CADPS: variants seen among roughly 807,000 people sequenced by gnomAD.
CADPS encodes calcium-dependent secretion activator 1.
CADPS carries 57 observed loss-of-function variants against 167.3 expected under a neutral mutation model. That is an observed-to-expected ratio of 0.34 (90% CI 0.28 to 0.42). The LOEUF is 0.42. CADPS is among the 20% of genes least tolerant of loss of function. The pLI, the probability that CADPS is intolerant of heterozygous loss-of-function variation, is 1.00. For missense variants in CADPS, 1,414 were observed against 1,738.1 expected, an observed-to-expected ratio of 0.81 and a Z score of 3.32; for synonymous variants, 676 against 635.3, an observed-to-expected ratio of 1.06 and a Z score of -0.96.
chr3:62,667,699 CT>C (rs1269116330), intron 3 of CADPS, among the ~76,000 whole-genome samples: 1 of 152,076 alleles, frequency 6.6e-6, no homozygotes, highest in African/African-American at 2.4e-5. Flanking sequence ...CCAAATGTAC[CT>C]GATCATGTGT....
intron 13 of CADPS, among the ~76,000 whole-genome samples, chr3:62,531,207 A>G (rs1187323343): frequency 7.6e-6 from 1 of 132,028 alleles, no homozygotes; most frequent in African/African-American, 2.8e-5. Flanking sequence ...GACAACCCAG[A>G]GAATATAATG....
intron 13 of CADPS, among the ~76,000 whole-genome samples, chr3:62,524,668 A>G (rs1024588844): frequency 2.0e-5 from 3 of 152,228 alleles, no homozygotes; most frequent in Non-Finnish European, 2.9e-5. Context: ...ACTCTATTAA[A>G]GGATGAAAGT....
chr3:62,853,244 T>A (rs2078981194), intron 1 of CADPS, among the ~76,000 whole-genome samples: 1 of 152,026 alleles, frequency 6.6e-6, no homozygotes, highest in Non-Finnish European at 1.5e-5. Context: ...TTCTACCAGG[T>A]CAAGTCAGAA....
chr3:62,471,702 T>C (rs1326720755), intron 24 of CADPS, among the ~76,000 whole-genome samples: 1 of 152,162 alleles, frequency 6.6e-6, no homozygotes, highest in Non-Finnish European at 1.5e-5. Context: ...TTCTGCACCC[T>C]GGCCTAGCAC....
intron 12 of CADPS, among the ~76,000 whole-genome samples, chr3:62,535,505 C>A (rs9784313): frequency 6.6e-6 from 1 of 151,526 alleles, no homozygotes; most frequent in African/African-American, 2.4e-5. Context: ...TCAATAATAT[C>A]TTAACCCTAC....
chr3:62,837,094 G>A lies in CADPS; in HGVS notation c.441+37495C>T, dbSNP rs541641848. Among the ~76,000 whole-genome samples the A allele has an allele frequency of 2.4e-4, 37 of 152,180 alleles. No homozygotes were observed. In the East Asian group the frequency reaches 5.4e-3, roughly 22 times the overall value. ...TTGCAGGTAATAATAGTAATAATAC[G>A]TTAATAAATATGTTAATATTGATAA... On this transcript the variant is annotated intron_variant, in intron 1 of 29. Transcript: ENST00000383710.
rs1464467571 is a variant in CADPS at position 62,779,637 on chromosome 3, G to A, written c.442-13653C>T. 3 of 531,580 alleles carry A rather than the reference G, an allele frequency of 5.6e-6. No homozygotes were observed. The African/African-American group carries it at 5.8e-5, about 10-fold the overall frequency. The allele number at this position is 531,580 out of a possible 1,614,324, so 32.9% of individuals were successfully genotyped here. Reference sequence around the variant, plus strand: ...ATCAGTGAGCTGCATGCATTTTAAAGGCATAGGCTGTCTCCTTACCTGAGT... The same window carrying A: ...ATCAGTGAGCTGCATGCATTTTAAAAGCATAGGCTGTCTCCTTACCTGAGT... On this transcript the variant is annotated intron_variant, in intron 1 of 29. Transcript: ENST00000383710.
intron 24 of CADPS, among the ~76,000 whole-genome samples, chr3:62,473,237 G>A (rs1462860849): frequency 6.6e-6 from 1 of 151,494 alleles, no homozygotes; most frequent in Admixed American, 6.6e-5. Context: ...GTGGGGGTGG[G>A]GGCTGAGGAA....
At chr3:62,451,113 C>T (rs76067178) in intron 26 of CADPS, among the ~76,000 whole-genome samples, 1,527 of 152,118 alleles carry the variant, frequency 0.01, 21 homozygotes, top group Middle Eastern at 0.041. Context: ...TGAGTCAGTG[C>T]AGAAGGTCCA....
intron 26 of CADPS, among the ~76,000 whole-genome samples, chr3:62,461,555 G>A (rs973974642): frequency 1.3e-5 from 2 of 152,106 alleles, no homozygotes; most frequent in Middle Eastern, 3.2e-3. Context: ...TCCCTAAACC[G>A]TGTTTATGTG....
At chr3:62,570,226 G>A (rs1416469568) in intron 9 of CADPS, among the ~76,000 whole-genome samples, 1 of 112,852 alleles carries the variant, frequency 8.9e-6, no homozygotes, top group Admixed American at 1.2e-4. Flanking sequence ...GAAGAATTTG[G>A]TTTGTTTCAG....
intron 13 of CADPS, among the ~76,000 whole-genome samples, chr3:62,521,494 G>C (rs2070579951): frequency 1.3e-5 from 2 of 152,140 alleles, no homozygotes; most frequent in African/African-American, 2.4e-5. Flanking sequence ...GAAAATATTT[G>C]GGGGTGATTC....
At chr3:62,412,000 C>T (rs557747892) in intron 28 of CADPS, among the ~76,000 whole-genome samples, 31 of 152,242 alleles carry the variant, frequency 2.0e-4, no homozygotes, top group African/African-American at 6.3e-4. Context: ...AGCTTCAGGA[C>T]GCGCAGCTAA....
At chr3:62,720,542 T>C (rs1203579483) in intron 3 of CADPS, among the ~76,000 whole-genome samples, 1 of 152,150 alleles carries the variant, frequency 6.6e-6, no homozygotes, top group Non-Finnish European at 1.5e-5. Flanking sequence ...TCTTGTTATG[T>C]TGTCCAGTCT....
intron 10 of CADPS, among the ~76,000 whole-genome samples, 164 bp from the exon 11 acceptor site, chr3:62,550,279 G>A (rs1209132240): frequency 6.6e-6 from 1 of 152,092 alleles, no homozygotes; most frequent in East Asian, 1.9e-4. Flanking sequence ...CCACAGAGTG[G>A]GACCGTGATG....
intron 1 of CADPS, among the ~76,000 whole-genome samples, chr3:62,869,544 G>A (rs889749257): frequency 3.3e-5 from 5 of 152,118 alleles, no homozygotes; most frequent in African/African-American, 1.2e-4. Flanking sequence ...TCTCTATGAA[G>A]ATTTTTTTCT....
At chr3:62,618,573 G>A (rs934233072) in intron 6 of CADPS, among the ~76,000 whole-genome samples, 6 of 152,124 alleles carry the variant, frequency 3.9e-5, no homozygotes, top group Admixed American at 6.6e-5. Flanking sequence ...CCGCCTATCC[G>A]TATTTCTTCA....
chr3:62,674,862 G>A (rs753582751), intron 3 of CADPS, among the ~76,000 whole-genome samples: 3 of 152,094 alleles, frequency 2.0e-5, no homozygotes, highest in Non-Finnish European at 2.9e-5. Context: ...TGTATGTTTG[G>A]TGAAGCTGAG....
chr3:62,698,799 G>A (rs2080863298), intron 3 of CADPS, among the ~76,000 whole-genome samples: 2 of 117,272 alleles, frequency 1.7e-5, no homozygotes, highest in African/African-American at 3.3e-5. Flanking sequence ...GAGTGCAGTA[G>A]TATGATCATT....
Sources: allele counts gnomAD v4.1 joint callset (sites outside exome capture counted in the v4.1 genomes callset), GRCh38; gene constraint gnomAD v4.1.1; transcripts MANE v1.5; gene names NCBI Gene and HGNC (gene_info 2026-07-23, HGNC 2026-07-21).